The following DTWD2 variants were observed in gnomAD, a reference collection of about 807,000 sequenced individuals.
The protein encoded by DTWD2 is tRNA-uridine aminocarboxypropyltransferase 2.
DTWD2 carries 39 observed loss-of-function variants against 31.8 expected under a neutral mutation model. The ratio of observed to expected loss-of-function variants is 1.22; its 90% confidence interval spans 0.95 to 1.60. The LOEUF is 1.60. Ranked by LOEUF, DTWD2 falls within the 40% of genes most tolerant of loss-of-function variation. The probability of loss-of-function intolerance (pLI) is 0.00; values close to 1 mark genes in which losing one functional copy is unlikely to be tolerated. For synonymous variants in DTWD2, 180 were observed against 142.8 expected (o/e 1.26, Z -1.86); for missense variants, 515 against 381.5 (o/e 1.35, Z -2.92).
At chr5:118,916,681 A>G (rs1753585857) in intron 4 of DTWD2, among the ~76,000 whole-genome samples, 1 of 151,606 alleles carries the variant, frequency 6.6e-6, no homozygotes, top group Non-Finnish European at 1.5e-5. Flanking sequence ...AAAAAAAAAA[A>G]GACATTAAAA....
chr5:118,837,048 A>T lies in DTWD2; in HGVS notation c.*3869T>A, dbSNP rs1033022833. ...ACCACTACAGTATCTTTTGTTTAAA[A>T]ACATGCTATGTAAGGATGTATGAGT... is the stretch of plus-strand genomic sequence containing the variant. On this transcript the variant is annotated 3_prime_UTR_variant, in exon 6 of 6. Transcript: ENST00000510708. Among the ~76,000 whole-genome samples, 6 of 152,224 alleles carry T rather than the reference A, an allele frequency of 3.9e-5. No homozygotes were observed. Among genetic ancestry groups the T allele is most frequent in the Non-Finnish European group, 8.8e-5 (6 of 68,042 alleles).
chr5:118,889,280 T>C (rs1169990943), intron 4 of DTWD2, among the ~76,000 whole-genome samples: 1 of 151,736 alleles, frequency 6.6e-6, no homozygotes, highest in Non-Finnish European at 1.5e-5. Flanking sequence ...AATCAATAAA[T>C]AAAACAGCAC....
chr5:118,871,557 C>A (rs1752505211), intron 4 of DTWD2, among the ~76,000 whole-genome samples: 1 of 152,176 alleles, frequency 6.6e-6, no homozygotes, highest in African/African-American at 2.4e-5. Context: ...ACGTGAATCT[C>A]CTTTATACAT....
At chr5:118,950,211 T>A (rs1258717146) in intron 1 of DTWD2, among the ~76,000 whole-genome samples, 6 of 67,362 alleles carry the variant, frequency 8.9e-5, no homozygotes, top group African/African-American at 3.1e-4. Context: ...AGACTCCATC[T>A]CCAAAAAAAA....
At chr5:118,969,002 G>A (rs1164842053) in intron 1 of DTWD2, among the ~76,000 whole-genome samples, 1 of 152,234 alleles carries the variant, frequency 6.6e-6, no homozygotes, top group Non-Finnish European at 1.5e-5. Flanking sequence ...CCTCTGGGGA[G>A]TCCAGGAGGT....
At chr5:118,867,794 C>CCCCATTTATTAACCCATTAATAA (rs1213112886) in intron 4 of DTWD2, among the ~76,000 whole-genome samples, 1 of 152,114 alleles carries the variant, frequency 6.6e-6, no homozygotes, top group Non-Finnish European at 1.5e-5. Context: ...TGGAAAAATA[C>CCCCATTTATTAACCCATTAATAA]CCCATGTTCA....
intron 4 of DTWD2, among the ~76,000 whole-genome samples, chr5:118,874,692 G>A (rs541554430): frequency 3.9e-5 from 6 of 152,212 alleles, no homozygotes; most frequent in East Asian, 1.9e-4. Context: ...GAACAAAACC[G>A]CCAAAAAATA....
At chr5:118,870,961 T>C (rs1350430338) in intron 4 of DTWD2, among the ~76,000 whole-genome samples, 3 of 149,442 alleles carry the variant, frequency 2.0e-5, no homozygotes, top group African/African-American at 7.3e-5. Flanking sequence ...ACATATAACA[T>C]ATAACTAAGC....
chr5:118,886,789 C>T (rs1184376500), intron 4 of DTWD2, among the ~76,000 whole-genome samples: 1 of 152,120 alleles, frequency 6.6e-6, no homozygotes, highest in African/African-American at 2.4e-5. Flanking sequence ...CTACAATTAT[C>T]TCAAAATAAA....
At chr5:118,939,319 GA>G (rs776589010) in intron 2 of DTWD2, 29 bp from the exon 3 acceptor site, 7 of 1,526,144 alleles carry the variant, frequency 4.6e-6, no homozygotes, top group Admixed American at 2.0e-5. Flanking sequence ...TTGAAACATA[GA>G]TTTTTACTTA....
intron 4 of DTWD2, among the ~76,000 whole-genome samples, chr5:118,904,361 T>C (rs570810209): frequency 6.6e-6 from 1 of 152,266 alleles, no homozygotes; most frequent in African/African-American, 2.4e-5. Context: ...TGTATTATCA[T>C]ACTTATATAC....
intron 1 of DTWD2, among the ~76,000 whole-genome samples, chr5:118,963,155 G>T (rs1754742479): frequency 6.6e-6 from 1 of 152,186 alleles, no homozygotes; most frequent in Non-Finnish European, 1.5e-5. Context: ...TAAGAAATAC[G>T]AAGAGGCTGA....
chr5:118,913,649 AAC>A (rs1010363438), intron 4 of DTWD2, among the ~76,000 whole-genome samples: 20 of 151,926 alleles, frequency 1.3e-4, no homozygotes, highest in African/African-American at 4.6e-4. Flanking sequence ...TTGTGTTAAA[AAC>A]ACAGTCTAGC....
At chr5:118,911,997 G>C (rs1018144993) in intron 4 of DTWD2, among the ~76,000 whole-genome samples, 3 of 152,234 alleles carry the variant, frequency 2.0e-5, no homozygotes, top group African/African-American at 7.2e-5. Context: ...CTATGAGAAA[G>C]AGGCATATTT....
chr5:118,982,686 C>CTTTTTTTTTTTTTTTTTTTTTTTTTTTT (rs56102830), intron 1 of DTWD2, among the ~76,000 whole-genome samples: 1 of 121,120 alleles, frequency 8.3e-6, no homozygotes, highest in Non-Finnish European at 1.7e-5. Flanking sequence ...AGTTTGTTTT[C>CTTTTTTTTTTTTTTTTTTTTTTTTTTTT]TTTTTTTTTT....
chr5:118,926,855 C>A (rs1279998614), intron 4 of DTWD2, among the ~76,000 whole-genome samples: 3 of 152,112 alleles, frequency 2.0e-5, no homozygotes, highest in African/African-American at 7.2e-5. Context: ...TAGGTACAAG[C>A]CACCAAGCCT....
intron 4 of DTWD2, among the ~76,000 whole-genome samples, chr5:118,910,663 G>C (rs928212785): frequency 6.6e-6 from 1 of 152,082 alleles, no homozygotes; most frequent in Admixed American, 6.5e-5. Context: ...CACATTTTTA[G>C]TTATTTGTTA....
chr5:118,883,483 T>C, intron 4 of DTWD2, among the ~76,000 whole-genome samples: 1 of 152,172 alleles, frequency 6.6e-6, no homozygotes, highest in Non-Finnish European at 1.5e-5. Context: ...CCTATATTAG[T>C]CCATTTTCAC....
At chr5:118,920,129 T>C (rs1027700720) in intron 4 of DTWD2, among the ~76,000 whole-genome samples, 1 of 152,116 alleles carries the variant, frequency 6.6e-6, no homozygotes, top group African/African-American at 2.4e-5. Flanking sequence ...CCAAAAAGAC[T>C]GGGGACTGCT....
Sources: allele counts gnomAD v4.1 joint callset (sites outside exome capture counted in the v4.1 genomes callset), GRCh38; gene constraint gnomAD v4.1.1; transcripts MANE v1.5; gene names NCBI Gene and HGNC (gene_info 2026-07-23, HGNC 2026-07-21).